Variants in PDGFA observed in about 807,000 individuals in gnomAD.
The protein encoded by PDGFA is platelet-derived growth factor subunit A.
Under a neutral mutation model 25.6 loss-of-function variants are expected in PDGFA, and 9 were observed. The ratio of observed to expected loss-of-function variants is 0.35; its 90% CI spans 0.21 to 0.61. The LOEUF (loss-of-function observed/expected upper bound fraction) is 0.61, where lower values mean the gene tolerates loss of function less well. PDGFA is among the 20% of genes least tolerant of loss of function. The probability of loss-of-function intolerance (pLI) is 0.75; values close to 1 mark genes in which losing one functional copy is unlikely to be tolerated. For synonymous variants in PDGFA, 133 were observed against 111.8 expected (o/e 1.19, Z -1.20); for missense variants, 242 against 272.8 (o/e 0.89, Z 0.79).
At chr7:518,201 A>G (rs1227259268) in intron 1 of PDGFA, among the ~76,000 whole-genome samples, 1 of 151,912 alleles carries the variant, frequency 6.6e-6, no homozygotes, top group African/African-American at 2.4e-5. Context: ...GACCACCCTC[A>G]CCTCTGGCCT....
chr7:512,587 C>T (rs746232561), intron 2 of PDGFA, 132 bp from the exon 3 acceptor site: 1 of 1,545,992 alleles, frequency 6.5e-7, no homozygotes. Context: ...CAGCCCCTCA[C>T]AGCTCCCGCC....
At chr7:504,923 G>A (rs111658630) in intron 4 of PDGFA, among the ~76,000 whole-genome samples, 213 of 152,318 alleles carry the variant, frequency 1.4e-3, no homozygotes, top group African/African-American at 5.0e-3. Context: ...CAACAGAAAT[G>A]CCACCCCTCT....
rs369002551 is a variant in PDGFA at position 506,287 on chromosome 7, GA to G, written c.453+4521del. 1.6e-3 allele frequency among the ~76,000 whole-genome samples: 241 copies of G among 150,160 alleles called. 9 individuals are homozygous for G. In the East Asian group the frequency reaches 0.034, roughly 21 times the overall value. Reference sequence around the variant, plus strand: ...AGCAAGACCCTGTCTTTATAACAAAGAAAAAAAAAGAAGATCCTGCCTCCTT... The same window carrying G: ...AGCAAGACCCTGTCTTTATAACAAAGAAAAAAAAGAAGATCCTGCCTCCTT... On this transcript the variant is annotated intron_variant, in intron 4 of 5. Coordinates refer to ENST00000402802, the Ensembl canonical transcript of PDGFA.
At chr7:506,616 C>T (rs1378637155) in intron 4 of PDGFA, among the ~76,000 whole-genome samples, 1 of 152,200 alleles carries the variant, frequency 6.6e-6, no homozygotes, top group Non-Finnish European at 1.5e-5. Flanking sequence ...CCCTGCAGTC[C>T]TCGGGCTGGC....
exon 6 of PDGFA, chr7:497,952 A>C (rs1273437972): frequency 2.4e-4 from 27 of 114,726 alleles, no homozygotes; most frequent in African/African-American, 4.5e-4. Flanking sequence ...AAAAAAAAAA[A>C]AAAAAACAAA....
At chr7:509,902 T>C (rs13310987) in intron 4 of PDGFA, among the ~76,000 whole-genome samples, 129,743 of 152,156 alleles carry the variant, frequency 0.85, 56,678 homozygotes, top group Non-Finnish European at 0.96. Flanking sequence ...TGGGATTCTA[T>C]GGAAGGAAGT....
chr7:505,638 T>C (rs1782527685), intron 4 of PDGFA, among the ~76,000 whole-genome samples: 1 of 152,140 alleles, frequency 6.6e-6, no homozygotes, highest in African/African-American at 2.4e-5. Flanking sequence ...CCCTCACAGC[T>C]ACCCTGTGAG....
exon 1 of PDGFA, chr7:518,967 C>T (rs1283584204): frequency 3.9e-6 from 6 of 1,541,368 alleles, no homozygotes; most frequent in Non-Finnish European, 5.2e-6. Context: ...GAGGTATCCG[C>T]AGCCGAGGAG....
exon 1 of PDGFA, chr7:519,097 T>G: frequency 1.1e-6 from 1 of 900,250 alleles, no homozygotes; most frequent in Non-Finnish European, 1.6e-6. Context: ...GTACCATCCC[T>G]TAGGGAGCGC....
chr7:497,945 A>AAAC (rs1562481528), exon 6 of PDGFA: 6 of 120,568 alleles, frequency 5.0e-5, no homozygotes, highest in Non-Finnish European at 1.0e-4. Context: ...GGTGTAAAAA[A>AAAC]AAAAAAAAAA....
exon 6 of PDGFA, chr7:497,965 A>AAAC (rs1562481722): frequency 3.8e-5 from 5 of 132,840 alleles, no homozygotes; most frequent in Non-Finnish European, 6.3e-5. Context: ...AAAACAAAAA[A>AAAC]AAAAAAAACA....
exon 6 of PDGFA, chr7:497,689 G>A (rs1228301695): frequency 3.9e-5 from 6 of 151,954 alleles, no homozygotes; most frequent in African/African-American, 1.5e-4. Flanking sequence ...AACAAATAAA[G>A]CAGGGTAAGG....
chr7:502,693 G>A (rs964300601), intron 4 of PDGFA, among the ~76,000 whole-genome samples: 1 of 152,012 alleles, frequency 6.6e-6, no homozygotes. Context: ...CCTTCCCCGG[G>A]GAGCTGCAGG....
intron 3 of PDGFA, 85 bp downstream of exon 3, chr7:512,266 C>T: frequency 1.6e-6 from 2 of 1,288,520 alleles, no homozygotes; most frequent in African/African-American, 1.5e-5. Context: ...AGCTCCTCCC[C>T]ACCCGGCCCT....
chr7:506,317 C>T (rs1041407641), intron 4 of PDGFA, among the ~76,000 whole-genome samples: 1 of 152,128 alleles, frequency 6.6e-6, no homozygotes, highest in Admixed American at 6.5e-5. Flanking sequence ...CCTCCTTCAG[C>T]ACTGCCCCCA....
intron 5 of PDGFA, 28 bp from the exon 6 acceptor site, chr7:498,602 T>C (rs767173035): frequency 6.2e-7 from 1 of 1,608,584 alleles, no homozygotes; most frequent in Non-Finnish European, 8.5e-7. Context: ...AGACAGACAC[T>C]GAGACCACCG....
rs191654636 is a variant in PDGFA, at chr7:511,319, G to C, written c.266-323C>G. On this transcript the variant is annotated intron_variant, in intron 3 of 5. Coordinates refer to ENST00000402802, the Ensembl canonical transcript of PDGFA. ...GGGAGAGGGGAACTTAGTCCAGGTGGGGCCAGAGACTGGGGGTGGGGAGAG... is the reference window on the plus strand; with the variant it reads ...GGGAGAGGGGAACTTAGTCCAGGTGCGGCCAGAGACTGGGGGTGGGGAGAG... Among the ~76,000 whole-genome samples the C allele has an allele frequency of 3.5e-3, 281 of 80,470 alleles. 7 individuals are homozygous for C. The highest frequency in any genetic ancestry group is 0.013 in the Middle Eastern group (2 of 156). The allele number at this position is 80,470 out of a possible 152,430, so 52.8% of individuals were successfully genotyped here.
At chr7:511,368 A>AGTGGCTG (rs1782835813) in intron 3 of PDGFA, among the ~76,000 whole-genome samples, 1 of 20,778 alleles carries the variant, frequency 4.8e-5, no homozygotes, top group African/African-American at 1.1e-4. Context: ...AGGTGGGGCC[A>AGTGGCTG]GAGACTGGGG....
chr7:513,643 A>G (rs4072010), intron 2 of PDGFA, among the ~76,000 whole-genome samples: 105,735 of 151,680 alleles, frequency 0.7, 38,284 homozygotes, highest in Non-Finnish European at 0.81. Context: ...CCGGTCACCA[A>G]TCCAGACGGC....
Sources: gnomAD v4.1 joint callset for allele counts (sites outside exome capture counted in the v4.1 genomes callset) on GRCh38, gnomAD v4.1.1 for gene constraint, MANE v1.5 for transcripts, NCBI Gene and HGNC (gene_info 2026-07-23, HGNC 2026-07-21) for gene names.